The following EFCAB6 variants were observed in gnomAD, a reference collection of about 807,000 sequenced individuals.
EFCAB6 encodes EF-hand calcium-binding domain-containing protein 6.
Under a neutral mutation model 169.8 loss-of-function variants are expected in EFCAB6, and 156 were observed. That is an observed-to-expected ratio of 0.92 (90% CI 0.81 to 1.05). EFCAB6 has a LOEUF of 1.05. EFCAB6 is among the 50% of genes least tolerant of loss of function. EFCAB6 has a pLI of 0.00. For synonymous variants in EFCAB6, 698 were observed against 676.4 expected (o/e 1.03, Z -0.50); for missense variants, 1,800 against 1,829.1 (o/e 0.98, Z 0.29).
Position 43,533,933 on chromosome 22 carries a change from C to G in EFCAB6, c.4233+755G>C, listed in dbSNP as rs940273927. On this transcript the variant is annotated intron_variant, in intron 30 of 31. Coordinates refer to ENST00000262726, the MANE Select transcript of EFCAB6 (RefSeq NM_022785.4). The stretch of plus-strand genomic sequence containing the variant: ...CTCTGAGTCCACCTTTTCTGTGAAG[C>G]TAGGTGATCCGCAAGTGCGACAAAT... Among the ~76,000 whole-genome samples the G allele has an allele frequency of 2.6e-5, 4 of 152,180 alleles. No individual in the cohort carries two copies. In the South Asian group the frequency reaches 8.3e-4, roughly 31 times the overall value.
intron 30 of EFCAB6, chr22:43,533,480 A>G (rs1183445467): frequency 1.3e-5 from 2 of 152,274 alleles, no homozygotes; most frequent in African/African-American, 4.8e-5. Context: ...AAAACCTGGG[A>G]TCAAGGCTAC....
chr22:43,777,348 T>C (rs2061673552), intron 3 of EFCAB6, among the ~76,000 whole-genome samples: 2 of 152,112 alleles, frequency 1.3e-5, no homozygotes, highest in African/African-American at 2.4e-5. Context: ...TCATTTTGGT[T>C]ACAGGTGGCA....
intron 2 of EFCAB6, among the ~76,000 whole-genome samples, chr22:43,802,136 C>T (rs1655441369): frequency 1.3e-5 from 2 of 152,094 alleles, no homozygotes; most frequent in South Asian, 4.1e-4. Context: ...GTGAGATGTC[C>T]CCTGAACTGA....
At chr22:43,709,465 T>C (rs1388232317) in intron 10 of EFCAB6, among the ~76,000 whole-genome samples, 4 of 152,214 alleles carry the variant, frequency 2.6e-5, no homozygotes, top group South Asian at 4.1e-4. Flanking sequence ...ATTGTATGCA[T>C]TCATTACAAT....
At chr22:43,756,399 G>A (rs146428953) in intron 5 of EFCAB6, among the ~76,000 whole-genome samples, 27 of 152,280 alleles carry the variant, frequency 1.8e-4, no homozygotes, top group East Asian at 5.8e-4. Context: ...GAAGGGCTTC[G>A]TGGTCAATGC....
chr22:43,550,808 G>T (rs573121755), intron 27 of EFCAB6, among the ~76,000 whole-genome samples: 294 of 152,002 alleles, frequency 1.9e-3, no homozygotes, highest in Non-Finnish European at 3.3e-3. Context: ...TGGGTCTATT[G>T]TCTTAAGCAA....
intron 2 of EFCAB6, among the ~76,000 whole-genome samples, chr22:43,796,288 G>A (rs1298134529): frequency 6.6e-6 from 1 of 151,894 alleles, no homozygotes; most frequent in Non-Finnish European, 1.5e-5. Context: ...TGGGAGCCAG[G>A]GTCGGGTTTG....
chr22:43,565,586 A>G (rs368092095), intron 26 of EFCAB6, among the ~76,000 whole-genome samples: 1 of 152,224 alleles, frequency 6.6e-6, no homozygotes, highest in East Asian at 1.9e-4. Flanking sequence ...ACAGGTTGTG[A>G]CAAAGTGGTT....
At chr22:43,736,852 A>G (rs897048086) in intron 6 of EFCAB6, among the ~76,000 whole-genome samples, 1 of 151,914 alleles carries the variant, frequency 6.6e-6, no homozygotes, top group Admixed American at 6.6e-5. Flanking sequence ...AGGACTGCTG[A>G]CTCTGCACAA....
At chr22:43,716,541 C>CT in intron 9 of EFCAB6, 1 of 345,394 alleles carries the variant, frequency 2.9e-6, no homozygotes, top group Non-Finnish European at 5.2e-6. Flanking sequence ...GAAAAGACCT[C>CT]TTCACTTATT....
chr22:43,674,758 G>A (rs112168043), intron 13 of EFCAB6, among the ~76,000 whole-genome samples: 2,883 of 152,214 alleles, frequency 0.019, 96 homozygotes, highest in African/African-American at 0.066. Context: ...CTTACAAGGT[G>A]GTACCATAAT....
chr22:43,782,898 G>A (rs1388984603), intron 2 of EFCAB6, among the ~76,000 whole-genome samples: 1 of 152,114 alleles, frequency 6.6e-6, no homozygotes, highest in Non-Finnish European at 1.5e-5. Flanking sequence ...AACATGCCTT[G>A]TGGCATTTTA....
intron 10 of EFCAB6, among the ~76,000 whole-genome samples, chr22:43,709,777 TC>T (rs2059091773): frequency 6.6e-6 from 1 of 152,192 alleles, no homozygotes; most frequent in Non-Finnish European, 1.5e-5. Flanking sequence ...AGAAAGTAAT[TC>T]CTGAAAAATG....
At chr22:43,708,843 A>G (rs989230657) in intron 10 of EFCAB6, among the ~76,000 whole-genome samples, 5 of 152,160 alleles carry the variant, frequency 3.3e-5, no homozygotes, top group African/African-American at 1.2e-4. Flanking sequence ...TACAGCATTT[A>G]TGATATTAGC....
In EFCAB6 at chr22:43,744,413, C is replaced by T. The variant is rs1466958160; in HGVS notation, c.508-8420G>A. ...ACCTACCTGGGAAGAGGAACTGAGACTCAGACAGACACAGCAGAGCAAGGC... is the reference window on the plus strand; with the variant it reads ...ACCTACCTGGGAAGAGGAACTGAGATTCAGACAGACACAGCAGAGCAAGGC... On this transcript the variant is annotated intron_variant, in intron 6 of 31. Transcript: ENST00000262726. This position sits in a 1 kb window ranked among gnomAD's most constrained non-coding sequence, Gnocchi z 4.3. Among the ~76,000 whole-genome samples the T allele has an allele frequency of 5.3e-5, 8 of 152,200 alleles. No homozygotes were observed. Among genetic ancestry groups the T allele is most frequent in the Admixed American group, 2.6e-4 (4 of 15,284 alleles).
At chr22:43,686,887 T>C (rs539982843) in intron 11 of EFCAB6, among the ~76,000 whole-genome samples, 1 of 152,190 alleles carries the variant, frequency 6.6e-6, no homozygotes, top group East Asian at 1.9e-4. Flanking sequence ...ATTCTAAAAT[T>C]TCATATTATT....
intron 3 of EFCAB6, among the ~76,000 whole-genome samples, chr22:43,776,602 C>T (rs953169360): frequency 6.6e-6 from 1 of 152,138 alleles, no homozygotes; most frequent in African/African-American, 2.4e-5. Context: ...AGTCAAGAAG[C>T]TGAAGTAAGA....
At position 43,635,205 on chromosome 22, in the gene EFCAB6, G is replaced by A. The variant is rs2055296426; in HGVS notation, c.1995C>T (p.Asp665=). 6.2e-7 allele frequency: 1 copy of A among 1,613,870 alleles called. No homozygotes were observed. Among genetic ancestry groups the A allele is most frequent in the Admixed American group, 1.7e-5 (1 of 60,000 alleles). ...NVHDFKKVLE[D]TGMPMDDDQY... Reference sequence around the variant, plus strand: ...GATCATCGTCCATGGGCATCCCAGTGTCTTCCAGTACCTGACGAGGGAGAC... The same window carrying A: ...GATCATCGTCCATGGGCATCCCAGTATCTTCCAGTACCTGACGAGGGAGAC... Residue 665 remains aspartate (D), a synonymous_variant, in exon 18 of 32, where the codon GAC becomes GAT. Transcript: ENST00000262726.
intron 27 of EFCAB6, among the ~76,000 whole-genome samples, chr22:43,547,046 G>A (rs1205310735): frequency 6.6e-6 from 1 of 152,200 alleles, no homozygotes; most frequent in Non-Finnish European, 1.5e-5. Context: ...GGTCTAAGGT[G>A]TGAAGAGTAA....
Sources: gnomAD v4.1 joint callset for allele counts (sites outside exome capture counted in the v4.1 genomes callset) on GRCh38, gnomAD v4.1.1 for gene constraint, Gnocchi (gnomAD v3.1) non-coding constraint, MANE v1.5 for transcripts, NCBI Gene and HGNC (gene_info 2026-07-23, HGNC 2026-07-21) for gene names.